ZFPM1: variants seen among roughly 807,000 people sequenced by gnomAD.
ZFPM1 encodes the protein zinc finger protein, FOG family member 1, also known as zinc finger protein ZFPM1.
In ZFPM1, 28 loss-of-function variants were observed where a neutral mutation model predicts 46.3. The ratio of observed to expected loss-of-function variants is 0.60; its 90% CI spans 0.45 to 0.83. ZFPM1 has a LOEUF of 0.83. ZFPM1 is among the 40% of genes least tolerant of loss of function. The probability of loss-of-function intolerance (pLI) is 0.00; values close to 1 mark genes in which losing one functional copy is unlikely to be tolerated. For synonymous variants in ZFPM1, 957 were observed against 675.9 expected, an observed-to-expected ratio of 1.42 and a Z score of -6.45; for missense variants, 1,878 against 1,432.4, an observed-to-expected ratio of 1.31 and a Z score of -5.02.
At chr16:88,509,512 G>A (rs1910839134) in intron 3 of ZFPM1, among the ~76,000 whole-genome samples, 1 of 152,256 alleles carries the variant, frequency 6.6e-6, no homozygotes, top group South Asian at 2.1e-4. Flanking sequence ...AGGGGCCCCG[G>A]TTCCCGGACG....
chr16:88,507,172 C>T (rs907760255), intron 3 of ZFPM1, among the ~76,000 whole-genome samples: 4 of 152,122 alleles, frequency 2.6e-5, no homozygotes, highest in Non-Finnish European at 1.5e-5. Flanking sequence ...GACCTGGGCT[C>T]GACTCTCCCA....
intron 3 of ZFPM1, among the ~76,000 whole-genome samples, chr16:88,514,180 G>A (rs1249027679): frequency 6.6e-6 from 1 of 152,166 alleles, no homozygotes; most frequent in Non-Finnish European, 1.5e-5. Flanking sequence ...CATCCTCCTG[G>A]CTGCGTCCCT....
At chr16:88,522,608 A>G (rs1039714394) in intron 4 of ZFPM1, among the ~76,000 whole-genome samples, 5 of 152,266 alleles carry the variant, frequency 3.3e-5, no homozygotes, top group East Asian at 1.9e-4. Context: ...TCCGATGGCT[A>G]TCGGTGCCAC....
chr16:88,535,571 C>A lies in ZFPM1; in HGVS notation c.*592C>A, dbSNP rs1340230342. On this transcript the variant is annotated 3_prime_UTR_variant, in exon 10 of 10. Transcript: ENST00000319555. ...ACCAGGGATGGCAGGGGTGGGGGCGCCCTGGGGAGGATGAAGCCCTGTGGT... is the reference window on the plus strand; with the variant it reads ...ACCAGGGATGGCAGGGGTGGGGGCGACCTGGGGAGGATGAAGCCCTGTGGT... 6.6e-6 allele frequency: 1 copy of A among 152,514 alleles called. No homozygotes were observed. The allele number at this position is 152,514 out of a possible 1,614,324, so 9.4% of individuals were successfully genotyped here. A position where few individuals can be genotyped will look rare whatever the true frequency, so the allele number is the denominator to read the frequency against.
chr16:88,465,893 G>A (rs970321954), intron 1 of ZFPM1, among the ~76,000 whole-genome samples: 1 of 152,206 alleles, frequency 6.6e-6, no homozygotes, highest in African/African-American at 2.4e-5. Context: ...AGGGACAGGT[G>A]AAGCAGCCAT....
chr16:88,491,041 C>T (rs1909539936), intron 3 of ZFPM1, among the ~76,000 whole-genome samples: 1 of 149,674 alleles, frequency 6.7e-6, no homozygotes, highest in Non-Finnish European at 1.5e-5. Flanking sequence ...GGCGCTGGTG[C>T]CTTCGGGGGT....
chr16:88,529,949 C>A (rs1381136599), intron 6 of ZFPM1, among the ~76,000 whole-genome samples: 1 of 152,132 alleles, frequency 6.6e-6, no homozygotes, highest in Admixed American at 6.5e-5. Context: ...CACACCTAAG[C>A]CCAGGTTGGG....
intron 1 of ZFPM1, 75 bp from the exon 2 acceptor site, chr16:88,485,864 A>G (rs1909191466): frequency 1.4e-6 from 2 of 1,434,802 alleles, no homozygotes; most frequent in Admixed American, 3.5e-5. Context: ...GGCTGTACCT[A>G]TGCCAGGAGG....
intron 4 of ZFPM1, among the ~76,000 whole-genome samples, chr16:88,517,178 GTAGATGGATGGATGGATGGA>G (rs1373846125): frequency 1.0e-4 from 13 of 126,318 alleles, no homozygotes; most frequent in Non-Finnish European, 1.5e-4. Flanking sequence ...GGATGGATGG[GTAGATGGATGGATGGATGGA>G]TGGATGGATG....
intron 3 of ZFPM1, among the ~76,000 whole-genome samples, chr16:88,512,639 T>C (rs1230629184): frequency 6.6e-6 from 1 of 151,924 alleles, no homozygotes. Context: ...CCGGATGGGA[T>C]TCCACATGCT....
intron 1 of ZFPM1, among the ~76,000 whole-genome samples, chr16:88,457,275 C>T (rs540405696): frequency 5.3e-5 from 8 of 152,256 alleles, no homozygotes; most frequent in Non-Finnish European, 8.8e-5. Context: ...GGGAGGCACC[C>T]GGGTGTTGAG....
intron 1 of ZFPM1, among the ~76,000 whole-genome samples, chr16:88,458,604 G>A (rs775956761): frequency 6.6e-6 from 1 of 152,152 alleles, no homozygotes; most frequent in African/African-American, 2.4e-5. Context: ...ATCTGCCATC[G>A]ACAGCCTCCT....
chr16:88,486,160 TC>T, intron 2 of ZFPM1, 117 bp downstream of exon 2: 1 of 1,082,220 alleles, frequency 9.2e-7, no homozygotes, highest in Non-Finnish European at 1.3e-6. Flanking sequence ...TATGCAGGAG[TC>T]CAGGACAGGC....
At chr16:88,532,396 C>G (rs1248966637) in intron 7 of ZFPM1, among the ~76,000 whole-genome samples, 161 bp downstream of exon 7, 1 of 152,216 alleles carries the variant, frequency 6.6e-6, no homozygotes, top group Non-Finnish European at 1.5e-5. Flanking sequence ...CCAGAGCAGG[C>G]AGGCCGGACT....
In ZFPM1 at chr16:88,480,926, C is replaced by T. The variant is rs1051604849; in HGVS notation, c.41-5013C>T. Among the ~76,000 whole-genome samples, 1 of 152,204 alleles carries T rather than the reference C, an allele frequency of 6.6e-6. No homozygotes were observed. Among genetic ancestry groups the T allele is most frequent in the Non-Finnish European group, 1.5e-5 (1 of 68,032 alleles). The stretch of plus-strand genomic sequence containing the variant: ...AGCCGGGAGGGGCCACCTTAATCGT[C>T]GGTGTGGGGACTTGGAAGGGAGCTG... On this transcript the variant is annotated intron_variant, in intron 1 of 9. Coordinates refer to ENST00000319555, the MANE Select transcript of ZFPM1 (RefSeq NM_153813.3). The surrounding 1 kb of genome is among the most constrained non-coding windows in gnomAD (Gnocchi z 4.9).
intron 3 of ZFPM1, among the ~76,000 whole-genome samples, chr16:88,498,129 AC>A (rs1910043934): frequency 6.6e-6 from 1 of 152,008 alleles, no homozygotes; most frequent in Admixed American, 6.5e-5. Flanking sequence ...CAGAGACCAG[AC>A]CCAGTGCTGG....
chr16:88,504,641 G>C (rs1279111933), intron 3 of ZFPM1, among the ~76,000 whole-genome samples: 1 of 152,202 alleles, frequency 6.6e-6, no homozygotes, highest in African/African-American at 2.4e-5. Context: ...AAGGGTACAT[G>C]GAGGGACATG....
rs755384342 is a variant in ZFPM1, at chr16:88,534,071, T to C, written c.2113T>C (p.Tyr705His). 8.0e-7 allele frequency: 1 copy of C among 1,242,262 alleles called. No individual in the cohort carries two copies. The highest frequency in any genetic ancestry group is 1.0e-6 in the Non-Finnish European group (1 of 970,346). 77.0% of individuals were successfully genotyped at this position (1,242,262 alleles called of 1,614,324 possible). A position where few individuals can be genotyped will look rare whatever the true frequency, so the allele number is the denominator to read the frequency against. Residue 705 changes from tyrosine (Y) to histidine (H), a missense_variant, in exon 10 of 10, where the codon TAC (tyrosine) becomes CAC (histidine). Physicochemically the swap from Tyr to His is moderately conservative, Grantham distance 83. Transcript: ENST00000319555. The stretch of plus-strand genomic sequence containing the variant: ...GACCTACACCGTGCACAAGCGGTAC[T>C]ACTGCGCCTCGCGCCACGACCCGCC... ...HETYTVHKRY[Y>H]CASRHDPPPR... is the part of the protein sequence containing the mutation.
chr16:88,533,000 C>T (rs535116281), intron 9 of ZFPM1, 65 bp downstream of exon 9: 17 of 1,596,268 alleles, frequency 1.1e-5, no homozygotes, highest in Middle Eastern at 1.8e-4. Context: ...AGGGAGTGGG[C>T]TTGTCGCCCA....
Sources: allele counts gnomAD v4.1 joint callset (sites outside exome capture counted in the v4.1 genomes callset), GRCh38; gene constraint gnomAD v4.1.1; non-coding constraint Gnocchi (gnomAD v3.1); transcripts MANE v1.5; gene names NCBI Gene and HGNC (gene_info 2026-07-23, HGNC 2026-07-21).